NPSR1: variants seen among roughly 807,000 people sequenced by gnomAD.
NPSR1 encodes the protein neuropeptide S receptor 1.
A neutral mutation model predicts 46.9 loss-of-function variants in NPSR1; 48 were observed. The ratio of observed to expected loss-of-function variants is 1.02; its 90% confidence interval spans 0.81 to 1.30. The LOEUF (loss-of-function observed/expected upper bound fraction) is 1.30. Ranked by LOEUF, NPSR1 falls within the 50% of genes most tolerant of loss-of-function variation. The probability of loss-of-function intolerance (pLI) is 0.00; values close to 1 mark genes in which losing one functional copy is unlikely to be tolerated. For synonymous variants in NPSR1, 176 were observed against 168.1 expected, an observed-to-expected ratio of 1.05 and a Z score of -0.36; for missense variants, 450 against 449.5, an observed-to-expected ratio of 1.00 and a Z score of -0.01.
chr7:34,786,746 C>T (rs1787483495), intron 3 of NPSR1, among the ~76,000 whole-genome samples: 1 of 152,110 alleles, frequency 6.6e-6, no homozygotes, highest in Non-Finnish European at 1.5e-5. Flanking sequence ...GTCATCAAAG[C>T]TCTTGGGTAA....
intron 3 of NPSR1, among the ~76,000 whole-genome samples, chr7:34,803,868 A>C (rs986635895): frequency 6.6e-6 from 1 of 152,038 alleles, no homozygotes; most frequent in Non-Finnish European, 1.5e-5. Context: ...TACCATAAAC[A>C]ACTCTATGCC....
chr7:34,739,959 T>A (rs1247676814), intron 2 of NPSR1, among the ~76,000 whole-genome samples: 3 of 152,150 alleles, frequency 2.0e-5, no homozygotes, highest in Admixed American at 6.5e-5. Flanking sequence ...GGCAGGGCCC[T>A]AGAACACCCA....
chr7:34,860,620 A>G (rs1274131483), intron 8 of NPSR1, among the ~76,000 whole-genome samples: 4 of 151,900 alleles, frequency 2.6e-5, no homozygotes, highest in Non-Finnish European at 5.9e-5. Flanking sequence ...ATGGAAATAT[A>G]TAAGGAAAAT....
intron 2 of NPSR1, among the ~76,000 whole-genome samples, chr7:34,757,377 T>C (rs1785919052): frequency 6.6e-6 from 1 of 152,154 alleles, no homozygotes; most frequent in Non-Finnish European, 1.5e-5. Flanking sequence ...TCAGGTACAC[T>C]TATTCAAAAC....
chr7:34,788,737 TAAAC>T (rs1457622936), intron 3 of NPSR1, among the ~76,000 whole-genome samples: 1 of 152,032 alleles, frequency 6.6e-6, no homozygotes, highest in Non-Finnish European at 1.5e-5. Context: ...CCACTTTTAA[TAAAC>T]AGATTATCTA....
rs564598450 is a variant in NPSR1 at position 34,823,216 on chromosome 7, C to A, written c.479-4185C>A. On this transcript the variant is annotated intron_variant, in intron 4 of 8. Transcript: ENST00000360581. ...GACCAGCCTGGCCAACATAGTGAAA[C>A]CCTGTCTCTACTAAAAAAATACAAA... Among the ~76,000 whole-genome samples, 468 of 151,836 alleles carry A rather than the reference C, an allele frequency of 3.1e-3. 1 individual carries two copies. Among genetic ancestry groups the A allele is most frequent in the African/African-American group, 0.011 (458 of 41,450 alleles).
intron 2 of NPSR1, among the ~76,000 whole-genome samples, chr7:34,713,062 G>A (rs1382039798): frequency 2.0e-5 from 3 of 152,182 alleles, no homozygotes; most frequent in Non-Finnish European, 2.9e-5. Flanking sequence ...TGGATTACAA[G>A]CAGGTGTAAT....
At chr7:34,780,009 G>A (rs756955688) in intron 3 of NPSR1, among the ~76,000 whole-genome samples, 5 of 152,078 alleles carry the variant, frequency 3.3e-5, no homozygotes, top group Non-Finnish European at 7.4e-5. Flanking sequence ...TGGCTTTAGT[G>A]GAATACTCAG....
At chr7:34,806,234 T>C (rs1250496861) in intron 3 of NPSR1, among the ~76,000 whole-genome samples, 2 of 152,112 alleles carry the variant, frequency 1.3e-5, no homozygotes, top group Non-Finnish European at 2.9e-5. Context: ...TTATTGTAGC[T>C]TTATTCATAA....
chr7:34,751,973 C>T (rs1785560799), intron 2 of NPSR1: 2 of 977,890 alleles, frequency 2.0e-6, no homozygotes, highest in Non-Finnish European at 3.3e-6. Context: ...CCAGAGAAGT[C>T]TTTCTACTGT....
At chr7:34,780,930 A>G (rs1409336604) in intron 3 of NPSR1, among the ~76,000 whole-genome samples, 1 of 152,192 alleles carries the variant, frequency 6.6e-6, no homozygotes, top group African/African-American at 2.4e-5. Flanking sequence ...CTTATGACAA[A>G]GGTATTGGAT....
intron 2 of NPSR1, among the ~76,000 whole-genome samples, chr7:34,695,670 G>C (rs1793482749): frequency 6.6e-6 from 1 of 152,034 alleles, no homozygotes; most frequent in Admixed American, 6.6e-5. Context: ...CTCAAAATTA[G>C]AAATACTAGC....
chr7:34,874,858 C>A lies in NPSR1; in HGVS notation c.1026-3218C>A, dbSNP rs541724993. ...TTTCCCCTTTCTGGACTTACTGCTC[C>A]ATCAAGGCTAAGCAGACCATTGGCT... On this transcript the variant is annotated intron_variant, in intron 8 of 8. Coordinates refer to the NPSR1 transcript ENST00000359791. Among the ~76,000 whole-genome samples the A allele has an allele frequency of 2.1e-3, 320 of 152,280 alleles. 2 individuals carry two copies. The highest frequency in any genetic ancestry group is 7.1e-3 in the African/African-American group (296 of 41,554).
rs200940512 is a variant in NPSR1, at chr7:34,804,070, TA to T, written c.385-7690del. Among the ~76,000 whole-genome samples the T allele has an allele frequency of 2.3e-3, 340 of 149,350 alleles. 1 individual carries two copies. The highest frequency in any genetic ancestry group is 0.016 in the South Asian group (73 of 4,704). ...TCATTAGTGAATTCTGTCAATCATTTAAAAAAAAAATGGTAACAATTATCTG... is the reference window on the plus strand; with the variant it reads ...TCATTAGTGAATTCTGTCAATCATTTAAAAAAAAATGGTAACAATTATCTG... On this transcript the variant is annotated intron_variant, in intron 3 of 8. Transcript: ENST00000360581.
Position 34,713,956 on chromosome 7 carries a change from A to G in NPSR1, c.280+29272A>G, listed in dbSNP as rs538812616. Among the ~76,000 whole-genome samples the G allele has an allele frequency of 2.0e-5, 3 of 152,362 alleles. No individual in the cohort carries two copies. The East Asian group carries it at 5.8e-4, about 29-fold the overall frequency. On this transcript the variant is annotated intron_variant, in intron 2 of 8. Coordinates refer to ENST00000360581, the MANE Select transcript of NPSR1 (RefSeq NM_207172.2). Reference sequence around the variant, plus strand: ...TGCTGTGTAACAAACCATCCCAAATATTAGTGGCTTAAAACATCAGTTTAT... The same window carrying G: ...TGCTGTGTAACAAACCATCCCAAATGTTAGTGGCTTAAAACATCAGTTTAT...
intron 2 of NPSR1, among the ~76,000 whole-genome samples, chr7:34,714,053 GTCTGAGAC>G (rs1388577019): frequency 6.6e-6 from 1 of 152,226 alleles, no homozygotes; most frequent in East Asian, 1.9e-4. Context: ...TCTCCATGCT[GTCTGAGAC>G]TCAGCCAGAA....
At chr7:34,683,226 T>C (rs1792740867) in intron 1 of NPSR1, among the ~76,000 whole-genome samples, 1 of 151,940 alleles carries the variant, frequency 6.6e-6, no homozygotes, top group African/African-American at 2.4e-5. Flanking sequence ...GGTGGATCAC[T>C]AGGTCAGGAG....
chr7:34,722,690 GA>G (rs1030971421), intron 2 of NPSR1, among the ~76,000 whole-genome samples: 32 of 152,174 alleles, frequency 2.1e-4, no homozygotes, highest in African/African-American at 7.7e-4. Flanking sequence ...CAAGAAGATG[GA>G]CAAAAGTGGG....
chr7:34,845,952 T>C (rs1289016506), intron 7 of NPSR1, among the ~76,000 whole-genome samples: 1 of 152,176 alleles, frequency 6.6e-6, no homozygotes, highest in African/African-American at 2.4e-5. Context: ...TCCCATTAGC[T>C]GCATGTCAAA....
Sources: gnomAD v4.1 joint callset for allele counts (sites outside exome capture counted in the v4.1 genomes callset) on GRCh38, gnomAD v4.1.1 for gene constraint, MANE v1.5 for transcripts, NCBI Gene and HGNC (gene_info 2026-07-23, HGNC 2026-07-21) for gene names.